The following LIN28B variants were observed in gnomAD, a reference collection of about 807,000 sequenced individuals.
LIN28B encodes protein lin-28 homolog B.
Under a neutral mutation model 21.9 loss-of-function variants are expected in LIN28B, and 5 were observed. That is an observed-to-expected ratio of 0.23 (90% CI 0.12 to 0.48). The LOEUF is 0.48. LIN28B is among the 20% of genes least tolerant of loss of function. The pLI, the probability that LIN28B is intolerant of heterozygous loss-of-function variation, is 0.98. For synonymous variants in LIN28B, 109 were observed against 111.3 expected (o/e 0.98, Z 0.13); for missense variants, 245 against 310.5 (o/e 0.79, Z 1.58).
chr6:104,992,514 GTT>G (rs71003467), intron 2 of LIN28B, among the ~76,000 whole-genome samples: 65,549 of 139,240 alleles, frequency 0.47, 16,155 homozygotes, highest in East Asian at 0.65. Flanking sequence ...GTGTGTGTGT[GTT>G]TTTTTTTTAA....
chr6:105,034,692 T>C (rs1771491946), intron 3 of LIN28B, among the ~76,000 whole-genome samples: 1 of 152,098 alleles, frequency 6.6e-6, no homozygotes, highest in African/African-American at 2.4e-5. Flanking sequence ...AAACCAATTA[T>C]GTCTGATTTA....
intron 3 of LIN28B, among the ~76,000 whole-genome samples, chr6:105,046,787 A>C (rs1771775437): frequency 6.6e-6 from 1 of 151,954 alleles, no homozygotes; most frequent in Non-Finnish European, 1.5e-5. Flanking sequence ...GCGTTTTTTC[A>C]TGTGTCTTTT....
intron 3 of LIN28B, among the ~76,000 whole-genome samples, chr6:105,034,986 T>C (rs763619641): frequency 6.6e-6 from 1 of 152,002 alleles, no homozygotes; most frequent in Non-Finnish European, 1.5e-5. Context: ...TAGTGGTAAT[T>C]CTGCCCCACT....
intron 2 of LIN28B, among the ~76,000 whole-genome samples, chr6:104,949,551 A>G (rs144641835): frequency 3.9e-5 from 6 of 152,320 alleles, no homozygotes; most frequent in East Asian, 1.9e-4. Flanking sequence ...AATAATTTGC[A>G]CAGAATGGTT....
intron 3 of LIN28B, among the ~76,000 whole-genome samples, chr6:105,040,276 A>T (rs1210545693): frequency 6.6e-6 from 1 of 152,106 alleles, no homozygotes; most frequent in Non-Finnish European, 1.5e-5. Context: ...TTTATCAGTC[A>T]TACATAACTA....
intron 2 of LIN28B, among the ~76,000 whole-genome samples, chr6:104,963,791 G>A (rs1769801884): frequency 6.6e-6 from 1 of 152,174 alleles, no homozygotes; most frequent in African/African-American, 2.4e-5. Context: ...GGTGTTGCAT[G>A]TTCTCGCTAA....
chr6:105,058,912 G>A (rs1772075110), intron 3 of LIN28B, among the ~76,000 whole-genome samples: 2 of 152,262 alleles, frequency 1.3e-5, no homozygotes, highest in South Asian at 4.1e-4. Flanking sequence ...GGACTCTGGT[G>A]ATTTTCAAAA....
At chr6:104,984,210 A>T (rs906916494) in intron 2 of LIN28B, among the ~76,000 whole-genome samples, 1 of 152,250 alleles carries the variant, frequency 6.6e-6, no homozygotes. Context: ...GCGTTTAAAA[A>T]AATAGGTGAT....
chr6:105,004,368 C>A (rs183650265), intron 2 of LIN28B, among the ~76,000 whole-genome samples: 1 of 152,284 alleles, frequency 6.6e-6, no homozygotes, highest in Admixed American at 6.5e-5. Context: ...CAATTTTATG[C>A]GCCTTTCCTC....
At chr6:105,011,380 G>A (rs1031030673) in intron 2 of LIN28B, among the ~76,000 whole-genome samples, 2 of 152,038 alleles carry the variant, frequency 1.3e-5, no homozygotes. Context: ...TTGTAGGGAC[G>A]GGATTTCACC....
At chr6:104,963,655 C>T (rs895051389) in intron 2 of LIN28B, among the ~76,000 whole-genome samples, 10 of 152,172 alleles carry the variant, frequency 6.6e-5, no homozygotes, top group Non-Finnish European at 1.3e-4. Flanking sequence ...CTTGCCCCTT[C>T]AAATGCATAG....
intron 3 of LIN28B, among the ~76,000 whole-genome samples, chr6:105,053,339 T>C (rs1174415483): frequency 2.0e-5 from 3 of 151,996 alleles, no homozygotes; most frequent in African/African-American, 7.3e-5. Flanking sequence ...TAGTGTTAAT[T>C]AGATAATGGT....
At chr6:105,056,244 T>G (rs1772020602) in intron 3 of LIN28B, among the ~76,000 whole-genome samples, 1 of 136,026 alleles carries the variant, frequency 7.4e-6, no homozygotes, top group Admixed American at 8.2e-5. Context: ...TTTTCCTGCT[T>G]CTTTTCATGC....
At chr6:104,984,982 G>A (rs1213574391) in intron 2 of LIN28B, among the ~76,000 whole-genome samples, 1 of 152,116 alleles carries the variant, frequency 6.6e-6, no homozygotes, top group African/African-American at 2.4e-5. Context: ...AGACAATTAA[G>A]AAAACAAATA....
At chr6:104,955,899 A>T (rs922118075), upstream of LIN28B, among the ~76,000 whole-genome samples, 1 of 152,056 alleles carries the variant, frequency 6.6e-6, no homozygotes, top group African/African-American at 2.4e-5. Flanking sequence ...TAAGGGCAGA[A>T]ATACTGTTGC....
At chr6:104,937,913 T>C (rs1778028935) in intron 2 of LIN28B, among the ~76,000 whole-genome samples, 1 of 151,768 alleles carries the variant, frequency 6.6e-6, no homozygotes, top group African/African-American at 2.4e-5. Flanking sequence ...TTATTAGATA[T>C]ATTCTAAAAG....
At chr6:104,945,226 A>G (rs1209226195) in intron 2 of LIN28B, among the ~76,000 whole-genome samples, 1 of 152,070 alleles carries the variant, frequency 6.6e-6, no homozygotes, top group Non-Finnish European at 1.5e-5. Context: ...TCTGTTAGTT[A>G]AAATCCTATT....
chr6:104,976,615 A>G (rs1270821255), intron 2 of LIN28B, among the ~76,000 whole-genome samples: 4 of 152,214 alleles, frequency 2.6e-5, no homozygotes, highest in Non-Finnish European at 4.4e-5. Flanking sequence ...GCAATTGCCA[A>G]TGCTTTTAGT....
chr6:105,043,289 G>A (rs969594515), intron 3 of LIN28B, among the ~76,000 whole-genome samples: 34 of 128,264 alleles, frequency 2.7e-4, no homozygotes, highest in African/African-American at 1.0e-3. Flanking sequence ...GGGCATAGTG[G>A]CGCACGCCTG....
Sources: allele counts gnomAD v4.1 joint callset (sites outside exome capture counted in the v4.1 genomes callset), GRCh38; gene constraint gnomAD v4.1.1; transcripts MANE v1.5; gene names NCBI Gene and HGNC (gene_info 2026-07-23, HGNC 2026-07-21).